The following INPP5F variants were observed in gnomAD, a reference collection of about 807,000 sequenced individuals.
INPP5F encodes inositol polyphosphate-5-phosphatase F, also known as phosphatidylinositide 4-phosphatase SAC2.
INPP5F carries 97 observed loss-of-function variants against 137.2 expected under a neutral mutation model. The ratio of observed to expected loss-of-function variants is 0.71; its 90% confidence interval spans 0.60 to 0.84. The LOEUF (loss-of-function observed/expected upper bound fraction) is 0.84. Ranked by LOEUF, INPP5F falls within the 40% of genes least tolerant of loss-of-function variation. INPP5F has a pLI of 0.00. For synonymous variants in INPP5F, 504 were observed against 476.9 expected (o/e 1.06, Z -0.74); for missense variants, 1,271 against 1,371.9 (o/e 0.93, Z 1.16).
chr10:119,786,347 C>G (rs973075074), intron 3 of INPP5F, among the ~76,000 whole-genome samples: 2 of 152,136 alleles, frequency 1.3e-5, no homozygotes, highest in East Asian at 3.8e-4. Flanking sequence ...GTTGCCAGTG[C>G]TATGCATTGT....
intron 3 of INPP5F, 135 bp downstream of exon 3, chr10:119,781,906 T>A: frequency 1.4e-6 from 1 of 738,016 alleles, no homozygotes; most frequent in Non-Finnish European, 2.1e-6. Flanking sequence ...ATCCTAAGAT[T>A]TTCCAACTTA....
intron 9 of INPP5F, among the ~76,000 whole-genome samples, chr10:119,802,281 T>G (rs561915532): frequency 1.7e-4 from 26 of 152,298 alleles, no homozygotes; most frequent in Non-Finnish European, 2.2e-4. Flanking sequence ...TCAGCCGATA[T>G]GCTGGCAGAA....
At chr10:119,732,036 G>GTT (rs57619660) in intron 1 of INPP5F, among the ~76,000 whole-genome samples, 1 of 101,610 alleles carries the variant, frequency 9.8e-6, no homozygotes, top group Non-Finnish European at 2.0e-5. Flanking sequence ...AAGACAAGTG[G>GTT]TTTTTTTTTT....
chr10:119,782,729 G>C (rs1849750170), intron 3 of INPP5F, among the ~76,000 whole-genome samples: 1 of 152,184 alleles, frequency 6.6e-6, no homozygotes, highest in Non-Finnish European at 1.5e-5. Context: ...CAAGGGTTAA[G>C]TCACACAGCT....
intron 1 of INPP5F, among the ~76,000 whole-genome samples, chr10:119,745,629 C>T (rs903217137): frequency 3.3e-5 from 5 of 151,514 alleles, no homozygotes; most frequent in Admixed American, 6.6e-5. Context: ...GATGTAATCC[C>T]TGGCCGTAAT....
chr10:119,792,183 A>G lies in INPP5F; in HGVS notation c.639A>G (p.Lys213=). Residue 213 remains lysine (K), a synonymous_variant, in exon 6 of 20, where the codon AAA becomes AAG. Coordinates refer to ENST00000650623, the MANE Select transcript of INPP5F (RefSeq NM_014937.4). ...TTGATGACCGATTTTTTTGGAATAA[A>G]TACATGATACAAGATCTTACTGAGA... ...QKVDDRFFWN[K]YMIQDLTEIG... is the part of the protein sequence containing the mutation. 6.2e-7 allele frequency: 1 copy of G among 1,613,904 alleles called. No homozygotes were observed. Among genetic ancestry groups the G allele is most frequent in the Non-Finnish European group, 8.5e-7 (1 of 1,179,730 alleles).
chr10:119,727,449 G>T (rs1378189275), intron 1 of INPP5F, among the ~76,000 whole-genome samples: 1 of 152,168 alleles, frequency 6.6e-6, no homozygotes, highest in Admixed American at 6.5e-5. Context: ...TACAGGACAC[G>T]TGTGGGATCC....
chr10:119,761,266 T>G (rs546412735), intron 2 of INPP5F, among the ~76,000 whole-genome samples: 1 of 152,224 alleles, frequency 6.6e-6, no homozygotes, highest in African/African-American at 2.4e-5. Context: ...CTATGAGTCA[T>G]TGTCAGTTTT....
intron 2 of INPP5F, among the ~76,000 whole-genome samples, chr10:119,772,155 C>G (rs1249113475): frequency 6.6e-6 from 1 of 151,804 alleles, no homozygotes; most frequent in Non-Finnish European, 1.5e-5. Context: ...ACCTCGGCCT[C>G]CCAAAGTGCT....
Position 119,804,306 on chromosome 10 carries a change from GC to G in INPP5F, c.1241+10del. 6.2e-7 allele frequency: 1 copy of G among 1,606,534 alleles called. No homozygotes were observed. The highest frequency in any genetic ancestry group is 2.2e-5 in the East Asian group (1 of 44,602). ...GACTTCCATGAGCACTGGTAAGATG[GC>G]TTTCGGAGAATAGTGTTGATCAATT... On this transcript the variant is annotated intron_variant, in intron 10 of 19. Coordinates refer to ENST00000650623, the MANE Select transcript of INPP5F (RefSeq NM_014937.4).
intron 1 of INPP5F, among the ~76,000 whole-genome samples, chr10:119,732,731 C>T (rs1848118460): frequency 6.6e-6 from 1 of 151,738 alleles, no homozygotes; most frequent in African/African-American, 2.4e-5. Context: ...GAACTCCTGA[C>T]CTCAGATGAT....
chr10:119,762,592 C>T (rs1181459089), intron 2 of INPP5F, among the ~76,000 whole-genome samples: 1 of 152,096 alleles, frequency 6.6e-6, no homozygotes, highest in African/African-American at 2.4e-5. Flanking sequence ...ATAATATTAA[C>T]AACTATAAAC....
rs549632847 is a variant in INPP5F at position 119,804,927 on chromosome 10, A to G, written c.1242-457A>G. Among the ~76,000 whole-genome samples, 312 of 152,174 alleles carry G rather than the reference A, an allele frequency of 2.1e-3. 1 individual carries two copies. The highest frequency in any genetic ancestry group is 7.2e-3 in the African/African-American group (300 of 41,518). ...TTTTTGATAGAGATGGGGTTTCACC[A>G]TGTTGGCCAGGCTGGTCTCAAACTC... On this transcript the variant is annotated intron_variant, in intron 10 of 19. Transcript: ENST00000650623.
At chr10:119,733,292 A>G (rs1187172771) in intron 1 of INPP5F, among the ~76,000 whole-genome samples, 3 of 152,218 alleles carry the variant, frequency 2.0e-5, no homozygotes, top group African/African-American at 4.8e-5. Flanking sequence ...AAATTCATAT[A>G]GTTACAGGGA....
At chr10:119,727,416 A>G (rs1164802932) in intron 1 of INPP5F, among the ~76,000 whole-genome samples, 2 of 152,212 alleles carry the variant, frequency 1.3e-5, no homozygotes, top group East Asian at 1.9e-4. Flanking sequence ...TTAACATATT[A>G]TTTCCAATCC....
chr10:119,817,410 A>G (rs567439921), intron 15 of INPP5F, among the ~76,000 whole-genome samples: 87 of 152,354 alleles, frequency 5.7e-4, no homozygotes, highest in African/African-American at 2.1e-3. Context: ...ACTATTTTCT[A>G]CAGTGGCCAC....
In INPP5F at chr10:119,781,892, T is replaced by A. The variant is rs188676738; in HGVS notation, c.315+121T>A. 4 of 821,090 alleles carry A rather than the reference T, an allele frequency of 4.9e-6. No homozygotes were observed. The East Asian group carries it at 1.1e-4, about 23-fold the overall frequency. 50.9% of individuals were successfully genotyped at this position (821,090 alleles called of 1,614,324 possible). On this transcript the variant is annotated intron_variant, in intron 3 of 19. Transcript: ENST00000650623. ...GAGCTGGGTAATGTTTTTAAAATAA[T>A]TTAATCCTAAGATTTTCCAACTTAG...
At chr10:119,757,790 C>CAA (rs201795403) in intron 2 of INPP5F, among the ~76,000 whole-genome samples, 1 of 149,466 alleles carries the variant, frequency 6.7e-6, no homozygotes, top group Non-Finnish European at 1.5e-5. Context: ...GACTCCATCT[C>CAA]AAAAAAAAAG....
At chr10:119,732,479 C>T (rs1211239364) in intron 1 of INPP5F, among the ~76,000 whole-genome samples, 1 of 144,252 alleles carries the variant, frequency 6.9e-6, no homozygotes, top group Admixed American at 7.1e-5. Flanking sequence ...ATTTCTTGAG[C>T]ACTTTTCTTT....
Sources: allele counts gnomAD v4.1 joint callset (sites outside exome capture counted in the v4.1 genomes callset), GRCh38; gene constraint gnomAD v4.1.1; transcripts MANE v1.5; gene names NCBI Gene and HGNC (gene_info 2026-07-23, HGNC 2026-07-21).